Variants in TCAIM observed in about 807,000 individuals in gnomAD.
The protein encoded by TCAIM is T cell activation inhibitor, mitochondrial.
In TCAIM, 36 loss-of-function variants were observed where a neutral mutation model predicts 58.6. That is an observed-to-expected ratio of 0.61 (90% confidence interval 0.47 to 0.81). The LOEUF is 0.81. TCAIM is among the 30% of genes least tolerant of loss of function. The pLI, the probability that TCAIM is intolerant of heterozygous loss-of-function variation, is 0.00. For missense variants in TCAIM, 466 were observed against 579.6 expected (o/e 0.80, Z 2.01); for synonymous variants, 172 against 193.6 (o/e 0.89, Z 0.93).
At chr3:44,351,192 T>C (rs574415909) in intron 1 of TCAIM, among the ~76,000 whole-genome samples, 12 of 152,260 alleles carry the variant, frequency 7.9e-5, no homozygotes, top group African/African-American at 2.4e-4. Flanking sequence ...TTTCTCCATG[T>C]TGGCCAGGCT....
chr3:44,408,734 A>C lies in TCAIM; in HGVS notation c.*1052A>C, dbSNP rs6441840. ...GGATTTCTTGTCACTCTTCTCAACC[A>C]CGATCTTCCTGTTATTACTGATGTT... On this transcript the variant is annotated 3_prime_UTR_variant, in exon 11 of 11. Transcript: ENST00000342649. The C allele has an allele frequency of 0.87, 131,695 of 152,036 alleles. 57,439 individuals are homozygous for C. Among genetic ancestry groups the C allele is most frequent in the East Asian group, 1 (5,173 of 5,174 alleles). 9.4% of individuals were successfully genotyped at this position (152,036 alleles called of 1,614,324 possible).
intron 5 of TCAIM, among the ~76,000 whole-genome samples, chr3:44,369,298 A>T (rs1359557489): frequency 6.6e-6 from 1 of 152,140 alleles, no homozygotes; most frequent in East Asian, 1.9e-4. Context: ...ATGAACAAAA[A>T]GTTGGGGATT....
At chr3:44,381,803 A>G (rs534836217) in intron 5 of TCAIM, among the ~76,000 whole-genome samples, 6 of 152,334 alleles carry the variant, frequency 3.9e-5, no homozygotes, top group Admixed American at 2.0e-4. Flanking sequence ...TACAAACTCT[A>G]TACACAAAAA....
At chr3:44,390,060 A>G (rs1701809446) in intron 5 of TCAIM, among the ~76,000 whole-genome samples, 1 of 152,136 alleles carries the variant, frequency 6.6e-6, no homozygotes, top group Non-Finnish European at 1.5e-5. Flanking sequence ...TTTTCTCATA[A>G]TAGTTCTTAT....
chr3:44,362,791 T>C (rs572024167), intron 4 of TCAIM: 1 of 174,958 alleles, frequency 5.7e-6, no homozygotes, highest in Non-Finnish European at 1.2e-5. Flanking sequence ...GAATGTGCTG[T>C]TCCTAGGCAT....
chr3:44,354,005 T>G (rs938534705), intron 1 of TCAIM, among the ~76,000 whole-genome samples: 2 of 152,228 alleles, frequency 1.3e-5, no homozygotes, highest in Non-Finnish European at 2.9e-5. Flanking sequence ...ATCCCCAAGG[T>G]CATCTAGATT....
intron 5 of TCAIM, among the ~76,000 whole-genome samples, chr3:44,385,232 G>A (rs1332879682): frequency 6.6e-6 from 1 of 152,160 alleles, no homozygotes; most frequent in African/African-American, 2.4e-5. Context: ...TAAATTACAA[G>A]GATATGAAGT....
At chr3:44,341,196 C>T (rs1347104289) in intron 1 of TCAIM, 1 of 152,012 alleles carries the variant, frequency 6.6e-6, no homozygotes, top group Non-Finnish European at 1.5e-5. Context: ...AGTCACATTC[C>T]CTCTCATTTC....
In TCAIM at chr3:44,400,465, A is replaced by C. The variant is rs747171822; in HGVS notation, c.996A>C (p.Leu332Phe). The C allele has an allele frequency of 6.2e-7, 1 of 1,613,832 alleles. No individual in the cohort carries two copies. Among genetic ancestry groups the C allele is most frequent in the Admixed American group, 1.7e-5 (1 of 60,030 alleles). Residue 332 changes from leucine (L) to phenylalanine (F), a missense_variant, in exon 9 of 11, where the codon TTA (leucine) becomes TTC (phenylalanine). Coordinates refer to ENST00000342649, the MANE Select transcript of TCAIM (RefSeq NM_173826.4). ...TACAAGTTGTTTATATTGAAGAATT[A>C]CAGCCAGTATTGACACTTGAAGAAT... ...GGIQVVYIEE[L>F]QPVLTLEEYY...
In TCAIM at chr3:44,367,658, G is replaced by A; in HGVS notation, c.522G>A (p.Lys174=). The change falls in exon 5 of 11, where the codon AAG becomes AAA. Residue 174 remains lysine (K), a synonymous_variant. Coordinates refer to ENST00000342649, the MANE Select transcript of TCAIM (RefSeq NM_173826.4). ...CTTATTACTCCTTTACTGGATTCAA[G>A]GACCCTGATGAAGACCTTGAACAAG... ...DKSYYSFTGF[K]DPDEDLEQVS... 6.2e-7 allele frequency: 1 copy of A among 1,614,030 alleles called. No individual in the cohort carries two copies. The highest frequency in any genetic ancestry group is 8.5e-7 in the Non-Finnish European group (1 of 1,179,966).
intron 5 of TCAIM, among the ~76,000 whole-genome samples, chr3:44,375,305 T>A (rs935076639): frequency 2.0e-5 from 3 of 152,162 alleles, no homozygotes; most frequent in African/African-American, 4.8e-5. Context: ...TTCTGCAGGC[T>A]GTACAAGAAG....
chr3:44,358,259 T>G (rs1426033183), intron 3 of TCAIM: 1 of 1,339,000 alleles, frequency 7.5e-7, no homozygotes, highest in Non-Finnish European at 1.1e-6. Flanking sequence ...TGATTTTTCC[T>G]TATGATGCAT....
Position 44,394,666 on chromosome 3 carries a change from C to A in TCAIM, c.695+1689C>A, listed in dbSNP as rs184435660. On this transcript the variant is annotated intron_variant, in intron 6 of 10. Coordinates refer to ENST00000342649, the MANE Select transcript of TCAIM (RefSeq NM_173826.4). ...ATCCCAGCACTTTGGGAGGCCAAGGCGGGCAGATCACGAGGTCAGGAGTTT... is the reference window on the plus strand; with the variant it reads ...ATCCCAGCACTTTGGGAGGCCAAGGAGGGCAGATCACGAGGTCAGGAGTTT... 2.0e-3 allele frequency among the ~76,000 whole-genome samples: 306 copies of A among 151,176 alleles called. 1 individual carries two copies. Among genetic ancestry groups the A allele is most frequent in the African/African-American group, 6.3e-3 (259 of 41,220 alleles).
At chr3:44,378,187 C>T (rs560432151) in intron 5 of TCAIM, among the ~76,000 whole-genome samples, 1 of 151,866 alleles carries the variant, frequency 6.6e-6, no homozygotes, top group Non-Finnish European at 1.5e-5. Context: ...TTGAGACCAG[C>T]CTGGCCAACA....
intron 1 of TCAIM, among the ~76,000 whole-genome samples, chr3:44,344,964 A>T (rs1322701675): frequency 6.6e-6 from 1 of 152,128 alleles, no homozygotes; most frequent in Non-Finnish European, 1.5e-5. Flanking sequence ...TTCTTTTGTG[A>T]TTCTTCAGTT....
rs559471813 is a variant in TCAIM at position 44,377,814 on chromosome 3, C to T, written c.572+10106C>T. Among the ~76,000 whole-genome samples, 3 of 152,014 alleles carry T rather than the reference C, an allele frequency of 2.0e-5. No individual in the cohort carries two copies. In the South Asian group the frequency reaches 6.2e-4, roughly 32 times the overall value. ...CCACATAAATATACTTACTATGTTA[C>T]CCATGAAAATTAAAAATAAAAAGAA... On this transcript the variant is annotated intron_variant, in intron 5 of 10. Transcript: ENST00000342649.
At chr3:44,364,979 C>A (rs1318559899) in intron 4 of TCAIM, among the ~76,000 whole-genome samples, 1 of 152,114 alleles carries the variant, frequency 6.6e-6, no homozygotes, top group Admixed American at 6.5e-5. Context: ...TCCTGAGGAA[C>A]CAGTAAAGGA....
At chr3:44,382,015 G>A (rs1701663070) in intron 5 of TCAIM, among the ~76,000 whole-genome samples, 1 of 152,154 alleles carries the variant, frequency 6.6e-6, no homozygotes, top group Non-Finnish European at 1.5e-5. Flanking sequence ...CTATGATCAA[G>A]GATCAGAAGA....
At chr3:44,402,279 A>G (rs912620797) in intron 10 of TCAIM, among the ~76,000 whole-genome samples, 1 of 150,918 alleles carries the variant, frequency 6.6e-6, no homozygotes, top group African/African-American at 2.4e-5. Flanking sequence ...CAGGCATGGC[A>G]CCATGCCTGT....
Sources: gnomAD v4.1 joint callset for allele counts (sites outside exome capture counted in the v4.1 genomes callset) on GRCh38, gnomAD v4.1.1 for gene constraint, MANE v1.5 for transcripts, NCBI Gene and HGNC (gene_info 2026-07-23, HGNC 2026-07-21) for gene names.